Variants in MTUS1 observed in about 807,000 individuals in gnomAD.
The protein encoded by MTUS1 is microtubule associated scaffold protein 1.
In MTUS1, 109 loss-of-function variants were observed where a neutral mutation model predicts 120.8. That is an observed-to-expected ratio of 0.90 (90% confidence interval 0.77 to 1.06). The LOEUF is 1.06. Among genes scored for constraint, MTUS1 ranks in the 50% least tolerant of loss-of-function variants. MTUS1 has a pLI of 0.00. For missense variants in MTUS1, 2,210 were observed against 1,486.3 expected, an observed-to-expected ratio of 1.49 and a Z score of -8.01; for synonymous variants, 737 against 550.5, an observed-to-expected ratio of 1.34 and a Z score of -4.74.
chr8:17,778,891 G>A (rs1363573773), intron 1 of MTUS1, among the ~76,000 whole-genome samples: 3 of 152,176 alleles, frequency 2.0e-5, no homozygotes, highest in Non-Finnish European at 4.4e-5. Flanking sequence ...TAAGGTGTCT[G>A]TTTTATAATA....
intron 6 of MTUS1, chr8:17,697,240 A>G (rs1284927723): frequency 4.4e-6 from 7 of 1,603,130 alleles, no homozygotes; most frequent in Admixed American, 1.7e-5. Context: ...CTAAACAGAG[A>G]TCTATGCGAG....
chr8:17,714,921 T>A (rs1321403356), intron 5 of MTUS1, among the ~76,000 whole-genome samples: 1 of 141,038 alleles, frequency 7.1e-6, no homozygotes, highest in Non-Finnish European at 1.6e-5. Flanking sequence ...TTTTTTTTTT[T>A]TTGAGACAGA....
chr8:17,765,378 C>T (rs62498365), intron 1 of MTUS1, among the ~76,000 whole-genome samples: 10,568 of 152,160 alleles, frequency 0.069, 483 homozygotes, highest in Admixed American at 0.12. Context: ...CCTGTAATCC[C>T]AGCACTTTGG....
At position 17,751,115 on chromosome 8, in the gene MTUS1, G is replaced by A. The variant is rs146666372; in HGVS notation, c.2091+2602C>T. Among the ~76,000 whole-genome samples the A allele has an allele frequency of 3.9e-4, 59 of 152,220 alleles. 1 individual carries two copies. Among genetic ancestry groups the A allele is most frequent in the African/African-American group, 1.2e-3 (48 of 41,532 alleles). On this transcript the variant is annotated intron_variant, in intron 2 of 14. Transcript: ENST00000693296. The stretch of plus-strand genomic sequence containing the variant: ...GCGGATCACTTGAGGTCAGGAGTTC[G>A]AGACCAGCCTGGCCAACGTGGTGAA...
chr8:17,726,027 C>G (rs1048909931), intron 3 of MTUS1, among the ~76,000 whole-genome samples: 2 of 152,178 alleles, frequency 1.3e-5, no homozygotes, highest in Non-Finnish European at 2.9e-5. Context: ...ACACACACCC[C>G]TTCGTGGTTT....
In MTUS1 at chr8:17,797,518, T is replaced by C. The variant is rs544512563; in HGVS notation, c.-155+3543A>G. ...TCCAAAACCAGGTATAAAGTCTCCC[T>C]GGTCAAAGTAGGCTTTTCGGGGCCA... On this transcript the variant is annotated intron_variant, in intron 1 of 14. Transcript: ENST00000693296. Among the ~76,000 whole-genome samples, 60 of 152,330 alleles carry C rather than the reference T, an allele frequency of 3.9e-4. 1 individual carries two copies. The highest frequency in any genetic ancestry group is 2.0e-3 in the Admixed American group (31 of 15,298).
chr8:17,770,709 A>C (rs1586305105), intron 1 of MTUS1: 1 of 152,306 alleles, frequency 6.6e-6, no homozygotes, highest in East Asian at 1.9e-4. Context: ...CAAACTAAAG[A>C]ATTTTCCTTG....
chr8:17,799,138 T>C (rs1287299967), intron 1 of MTUS1, among the ~76,000 whole-genome samples: 5 of 152,106 alleles, frequency 3.3e-5, no homozygotes, highest in African/African-American at 1.2e-4. Flanking sequence ...AAGCAAATGG[T>C]CAATATGTAT....
At chr8:17,660,403 C>T (rs118156036) in intron 8 of MTUS1, among the ~76,000 whole-genome samples, 4,011 of 152,184 alleles carry the variant, frequency 0.026, 140 homozygotes, top group South Asian at 0.13. Context: ...TTCCATTGCA[C>T]GTACAGATGA....
chr8:17,719,335 C>G (rs916814205), intron 4 of MTUS1, among the ~76,000 whole-genome samples: 3 of 152,218 alleles, frequency 2.0e-5, no homozygotes, highest in Admixed American at 6.5e-5. Context: ...CAGTTTAACA[C>G]TCCCCACTGT....
At chr8:17,727,004 C>T (rs909162403) in intron 3 of MTUS1, among the ~76,000 whole-genome samples, 1 of 152,088 alleles carries the variant, frequency 6.6e-6, no homozygotes, top group Non-Finnish European at 1.5e-5. Context: ...CTACAGAAGA[C>T]CTGTACCTTC....
intron 4 of MTUS1, among the ~76,000 whole-genome samples, chr8:17,718,386 T>A (rs1822730479): frequency 6.6e-6 from 1 of 152,234 alleles, no homozygotes; most frequent in Non-Finnish European, 1.5e-5. Context: ...TGGTGCTGAC[T>A]TGACCACTGC....
intron 1 of MTUS1, among the ~76,000 whole-genome samples, chr8:17,758,485 T>C (rs2131364399): frequency 6.6e-6 from 1 of 152,380 alleles, no homozygotes; most frequent in East Asian, 1.9e-4. Context: ...AATAGTTTAT[T>C]GGCAAGAGCC....
At chr8:17,760,948 T>C (rs1350225690) in intron 1 of MTUS1, among the ~76,000 whole-genome samples, 1 of 151,850 alleles carries the variant, frequency 6.6e-6, no homozygotes, top group Non-Finnish European at 1.5e-5. Flanking sequence ...ATAACACTTG[T>C]GTAACACTCC....
chr8:17,742,625 G>A (rs1162585459), intron 3 of MTUS1, among the ~76,000 whole-genome samples: 2 of 152,028 alleles, frequency 1.3e-5, no homozygotes, highest in Admixed American at 1.3e-4. Flanking sequence ...CGCCTCTGTG[G>A]TCATGTCTCC....
Position 17,755,096 on chromosome 8 carries a change from C to T in MTUS1, c.712G>A (p.Ala238Thr). 6.2e-7 allele frequency: 1 copy of T among 1,613,890 alleles called. No homozygotes were observed. The highest frequency in any genetic ancestry group is 8.5e-7 in the Non-Finnish European group (1 of 1,180,030). The change falls in exon 2 of 15, where the codon GCC becomes ACC. Residue 238 changes from alanine (A) to threonine (T), a missense_variant. Physicochemically the swap from Ala to Thr is moderately conservative, Grantham distance 58 (BLOSUM62 0). Coordinates refer to ENST00000693296, the MANE Select transcript of MTUS1 (RefSeq NM_001363059.2). ...FENPQVTPSE[A>T]QDMTYTAFSD... ...AATGCTGTGTAAGTCATGTCTTGGGCTTCTGATGGTGTGACTTGAGGGTTT... is the reference window on the plus strand; with the variant it reads ...AATGCTGTGTAAGTCATGTCTTGGGTTTCTGATGGTGTGACTTGAGGGTTT...
At chr8:17,651,499 T>A (rs1418238610) in intron 12 of MTUS1, 1 of 151,962 alleles carries the variant, frequency 6.6e-6, no homozygotes, top group Non-Finnish European at 1.5e-5. Flanking sequence ...ATTTCATACA[T>A]TTTATACAGT....
Position 17,754,975 on chromosome 8 carries a change from C to A in MTUS1, c.833G>T (p.Gly278Val), listed in dbSNP as rs2048490170. ...TTCTCCAACTAGTCTTTGTTGTGAT[C>A]CATCTGTGTACTCACTGGTGACCTT... ...SGKVTSEYTD[G>V]SQQRLVGEKE... Residue 278 changes from glycine to valine, a missense_variant, in exon 2 of 15, where the codon GGA becomes GTA. Transcript: ENST00000693296. 6.2e-7 allele frequency: 1 copy of A among 1,613,944 alleles called. No homozygotes were observed. The highest frequency in any genetic ancestry group is 1.7e-5 in the Admixed American group (1 of 59,994).
intron 4 of MTUS1, chr8:17,722,092 T>C (rs2045889122): frequency 1.5e-6 from 2 of 1,325,574 alleles, no homozygotes; most frequent in South Asian, 4.5e-5. Flanking sequence ...ATTTGAATGC[T>C]TAATCCGCAA....
Sources: allele counts gnomAD v4.1 joint callset (sites outside exome capture counted in the v4.1 genomes callset), GRCh38; gene constraint gnomAD v4.1.1; transcripts MANE v1.5; gene names NCBI Gene and HGNC (gene_info 2026-07-23, HGNC 2026-07-21).